The following ZDHHC20 variants were observed in gnomAD, a reference collection of about 807,000 sequenced individuals.
ZDHHC20 encodes the protein palmitoyltransferase ZDHHC20.
A neutral mutation model predicts 57.8 loss-of-function variants in ZDHHC20; 43 were observed. That is an observed-to-expected ratio of 0.74 (90% CI 0.58 to 0.96). ZDHHC20 has a LOEUF of 0.96. Among genes scored for constraint, ZDHHC20 ranks in the 40% least tolerant of loss-of-function variants. The pLI, the probability that ZDHHC20 is intolerant of heterozygous loss-of-function variation, is 0.00. For synonymous variants in ZDHHC20, 157 were observed against 153.0 expected (o/e 1.03, Z -0.19); for missense variants, 391 against 441.1 (o/e 0.89, Z 1.02).
At chr13:21,419,480 A>T (rs2137897650) in intron 3 of ZDHHC20, among the ~76,000 whole-genome samples, 1 of 152,388 alleles carries the variant, frequency 6.6e-6, no homozygotes, top group East Asian at 1.9e-4. Context: ...CAGTAGACCG[A>T]GTAAACAAAC....
intron 9 of ZDHHC20, among the ~76,000 whole-genome samples, chr13:21,386,022 A>G (rs1414477009): frequency 6.6e-6 from 1 of 152,222 alleles, no homozygotes. Context: ...TTTACAGAAA[A>G]TAACTTCAAA....
chr13:21,448,209 G>C (rs1234362853), intron 1 of ZDHHC20, among the ~76,000 whole-genome samples: 1 of 57,732 alleles, frequency 1.7e-5, no homozygotes. Context: ...TCAGCCCCCC[G>C]CCCGGCCAGC....
At chr13:21,402,434 A>T (rs1158726279) in intron 5 of ZDHHC20, among the ~76,000 whole-genome samples, 2 of 152,220 alleles carry the variant, frequency 1.3e-5, no homozygotes, top group African/African-American at 4.8e-5. Context: ...TCTAATACTT[A>T]GAAAGTTAAG....
At chr13:21,383,384 G>C (rs914669495) in intron 9 of ZDHHC20, among the ~76,000 whole-genome samples, 1 of 152,170 alleles carries the variant, frequency 6.6e-6, no homozygotes, top group Admixed American at 6.5e-5. Context: ...CATATAAAAC[G>C]TGAGTTGCTT....
At chr13:21,406,952 G>A (rs527716138) in intron 4 of ZDHHC20, among the ~76,000 whole-genome samples, 42 of 152,188 alleles carry the variant, frequency 2.8e-4, no homozygotes, top group Non-Finnish European at 5.3e-4. Flanking sequence ...TTGAGGAATC[G>A]CCGCGCTGTC....
intron 10 of ZDHHC20, 60 bp downstream of exon 10, chr13:21,382,860 A>C: frequency 7.5e-7 from 1 of 1,332,666 alleles, no homozygotes; most frequent in Non-Finnish European, 1.1e-6. Flanking sequence ...TGTACACACA[A>C]CACATGTATA....
chr13:21,402,375 A>G (rs564635209), intron 5 of ZDHHC20, among the ~76,000 whole-genome samples: 3 of 152,200 alleles, frequency 2.0e-5, no homozygotes, highest in African/African-American at 7.2e-5. Flanking sequence ...TTCTATACTT[A>G]TATGAAGGTA....
intron 4 of ZDHHC20, among the ~76,000 whole-genome samples, chr13:21,408,452 T>C (rs1163105916): frequency 6.6e-6 from 1 of 152,246 alleles, no homozygotes; most frequent in African/African-American, 2.4e-5. Flanking sequence ...TTGTGATTTT[T>C]GCGCATTGGT....
chr13:21,393,697 C>CATAAAAAAAAAAAAA (rs1876213260), intron 7 of ZDHHC20, among the ~76,000 whole-genome samples: 1 of 52,228 alleles, frequency 1.9e-5, no homozygotes, highest in African/African-American at 1.1e-4. Context: ...CAGCAAGTCT[C>CATAAAAAAAAAAAAA]ACAAAAAAAA....
rs545258613 is a variant in ZDHHC20 at position 21,395,722 on chromosome 13, G to A, written c.595-3868C>T. Among the ~76,000 whole-genome samples, 11 of 151,360 alleles carry A rather than the reference G, an allele frequency of 7.3e-5. No homozygotes were observed. In the South Asian group the frequency reaches 8.4e-4, roughly 12 times the overall value. On this transcript the variant is annotated intron_variant, in intron 7 of 12. Transcript: ENST00000400590. ...CACCATTGTTGGCCAGAATGGTCTC[G>A]ATCTCCTGACCTCGTGATCCGCTCG...
rs750381212 is a variant in ZDHHC20 at position 21,402,860 on chromosome 13, C to G, written c.377G>C (p.Arg126Thr). Residue 126 changes from arginine to threonine, a missense_variant, in exon 5 of 13, where the codon AGA becomes ACA. Transcript: ENST00000400590. ...AATCAGCTGACATTTTTCACAATAT[C>G]TGATAGCTACATGAAAGAAGTAAAA... ...IYTTSASKTI[R>T]YCEKCQLIKP... is the part of the protein sequence containing the mutation. 6.3e-7 allele frequency: 1 copy of G among 1,590,244 alleles called. No homozygotes were observed. The highest frequency in any genetic ancestry group is 1.8e-5 in the Admixed American group (1 of 56,374).
At chr13:21,440,879 A>G (rs1049298748) in intron 1 of ZDHHC20, among the ~76,000 whole-genome samples, 25 of 152,096 alleles carry the variant, frequency 1.6e-4, no homozygotes, top group Admixed American at 6.6e-5. Context: ...GCACCAGACC[A>G]CACAGTTTAA....
rs1031084593 is a variant in ZDHHC20 at position 21,409,123 on chromosome 13, A to C, written c.370+4529T>G. On this transcript the variant is annotated intron_variant, in intron 4 of 12. Coordinates refer to ENST00000400590, the MANE Select transcript of ZDHHC20 (RefSeq NM_001330059.2). ...GGTATCAGGATGATGCTGGCCTCAT[A>C]AAATGAGTTAGGGAGGAGTCCCCCT... Among the ~76,000 whole-genome samples, 16 of 152,202 alleles carry C rather than the reference A, an allele frequency of 1.1e-4. 1 individual carries two copies. Among genetic ancestry groups the C allele is most frequent in the Admixed American group, 8.5e-4 (13 of 15,284 alleles).
At chr13:21,439,286 G>T (rs1882881179) in intron 1 of ZDHHC20, among the ~76,000 whole-genome samples, 1 of 152,172 alleles carries the variant, frequency 6.6e-6, no homozygotes. Flanking sequence ...GATCGCTTGA[G>T]CCCAGGAACT....
rs201605336 is a variant in ZDHHC20, at chr13:21,428,910, CCAA to C, written c.119-3235_119-3233del. On this transcript the variant is annotated intron_variant, in intron 1 of 12. Coordinates refer to ENST00000400590, the MANE Select transcript of ZDHHC20 (RefSeq NM_001330059.2). The stretch of plus-strand genomic sequence containing the variant: ...AAGAACAAAACAACAACAAAAAAAC[CCAA>C]CAACAACAAAAATTATTAGGCACAC... 5.9e-3 allele frequency among the ~76,000 whole-genome samples: 898 copies of C among 151,998 alleles called. 2 individuals carry two copies. Among genetic ancestry groups the C allele is most frequent in the African/African-American group, 0.016 (676 of 41,482 alleles).
intron 9 of ZDHHC20, among the ~76,000 whole-genome samples, chr13:21,385,304 C>A (rs556314362): frequency 2.0e-5 from 3 of 152,078 alleles, no homozygotes; most frequent in Non-Finnish European, 2.9e-5. Context: ...TGTTACGCAC[C>A]GGTAATCCCA....
chr13:21,407,046 T>C (rs533744844), intron 4 of ZDHHC20, among the ~76,000 whole-genome samples: 1 of 152,126 alleles, frequency 6.6e-6, no homozygotes, highest in African/African-American at 2.4e-5. Context: ...TGGAGTGCAG[T>C]GGCGTGATCT....
intron 1 of ZDHHC20, among the ~76,000 whole-genome samples, chr13:21,430,680 T>C (rs1049341639): frequency 2.0e-5 from 3 of 152,176 alleles, no homozygotes; most frequent in Non-Finnish European, 4.4e-5. Flanking sequence ...TTTCCTGGCT[T>C]GACTAATAAA....
chr13:21,415,314 T>C (rs969349675), intron 3 of ZDHHC20, among the ~76,000 whole-genome samples: 3 of 152,210 alleles, frequency 2.0e-5, no homozygotes, highest in Admixed American at 6.5e-5. Context: ...ATGTTTTTGC[T>C]TTTTATAGAT....
Sources: gnomAD v4.1 joint callset for allele counts (sites outside exome capture counted in the v4.1 genomes callset) on GRCh38, gnomAD v4.1.1 for gene constraint, MANE v1.5 for transcripts, NCBI Gene and HGNC (gene_info 2026-07-23, HGNC 2026-07-21) for gene names.